Variants in NT5DC1 observed in about 807,000 individuals in gnomAD.
NT5DC1 encodes the protein 5'-nucleotidase domain containing 1.
In NT5DC1, 42 loss-of-function variants were observed where a neutral mutation model predicts 59.4. The ratio of observed to expected loss-of-function variants is 0.71; its 90% CI spans 0.55 to 0.92. The LOEUF is 0.92. NT5DC1 is among the 40% of genes least tolerant of loss of function. The pLI is 0.00. For missense variants in NT5DC1, 501 were observed against 537.1 expected (o/e 0.93, Z 0.66); for synonymous variants, 172 against 188.1 (o/e 0.91, Z 0.70).
chr6:116,163,454 G>A (rs540961698), intron 6 of NT5DC1, among the ~76,000 whole-genome samples: 28 of 151,880 alleles, frequency 1.8e-4, no homozygotes, highest in Non-Finnish European at 3.4e-4. Context: ...TATTTCTGTG[G>A]TATCAATTTT....
intron 11 of NT5DC1, among the ~76,000 whole-genome samples, chr6:116,242,450 G>A (rs1771755952): frequency 6.6e-6 from 1 of 150,412 alleles, no homozygotes; most frequent in African/African-American, 2.5e-5. Flanking sequence ...AATATCAAAA[G>A]ACGGACGAAA....
At chr6:116,179,768 C>A (rs1780833655) in intron 6 of NT5DC1, among the ~76,000 whole-genome samples, 2 of 152,090 alleles carry the variant, frequency 1.3e-5, no homozygotes, top group South Asian at 4.1e-4. Flanking sequence ...TCTTTGATGT[C>A]CTGGTTTGGT....
At chr6:116,208,675 T>C (rs1350871575) in intron 6 of NT5DC1, among the ~76,000 whole-genome samples, 4 of 152,058 alleles carry the variant, frequency 2.6e-5, no homozygotes, top group African/African-American at 9.7e-5. Flanking sequence ...TTACCAGTGG[T>C]GGCTTTCAGC....
At chr6:116,232,941 A>G (rs1782047229) in intron 8 of NT5DC1, among the ~76,000 whole-genome samples, 1 of 151,962 alleles carries the variant, frequency 6.6e-6, no homozygotes, top group Admixed American at 6.6e-5. Context: ...TCCAACCTTC[A>G]TTTGTTTCTT....
intron 11 of NT5DC1, among the ~76,000 whole-genome samples, chr6:116,239,822 G>C (rs1431195529): frequency 6.6e-6 from 1 of 151,840 alleles, no homozygotes; most frequent in African/African-American, 2.4e-5. Flanking sequence ...AAAAATAGCC[G>C]GGCACATAAA....
At chr6:116,174,287 G>A (rs1780683952) in intron 6 of NT5DC1, among the ~76,000 whole-genome samples, 2 of 152,098 alleles carry the variant, frequency 1.3e-5, no homozygotes, top group South Asian at 2.1e-4. Flanking sequence ...TGACGGGTAG[G>A]TGTTAAATTC....
At chr6:116,201,024 C>A (rs1166974146) in intron 6 of NT5DC1, among the ~76,000 whole-genome samples, 2 of 151,914 alleles carry the variant, frequency 1.3e-5, no homozygotes, top group Non-Finnish European at 2.9e-5. Flanking sequence ...TATGGTAGCA[C>A]CCCACAGCAC....
intron 6 of NT5DC1, among the ~76,000 whole-genome samples, chr6:116,187,905 G>C (rs530670149): frequency 6.6e-6 from 1 of 151,958 alleles, no homozygotes; most frequent in South Asian, 2.1e-4. Flanking sequence ...AAATTACTAA[G>C]AACGAAAGGG....
At chr6:116,104,025 C>G (rs1388154007) in intron 1 of NT5DC1, among the ~76,000 whole-genome samples, 3 of 152,134 alleles carry the variant, frequency 2.0e-5, no homozygotes, top group African/African-American at 7.2e-5. Flanking sequence ...CAATTGGCAA[C>G]TGCAGTAGAA....
intron 6 of NT5DC1, among the ~76,000 whole-genome samples, chr6:116,163,137 A>ATATATATATATAT (rs1554197055): frequency 1.9e-5 from 2 of 105,420 alleles, no homozygotes; most frequent in East Asian, 2.7e-4. Flanking sequence ...AAAAAAAAAA[A>ATATATATATATAT]AAAAATATAT....
At chr6:116,148,110 A>T (rs1246709526) in intron 6 of NT5DC1, among the ~76,000 whole-genome samples, 1 of 152,216 alleles carries the variant, frequency 6.6e-6, no homozygotes, top group African/African-American at 2.4e-5. Context: ...TTTGTGTAAG[A>T]TACATAATTG....
intron 6 of NT5DC1, among the ~76,000 whole-genome samples, chr6:116,186,529 T>G (rs558562087): frequency 7.2e-5 from 11 of 152,092 alleles, no homozygotes; most frequent in Non-Finnish European, 1.6e-4. Flanking sequence ...TTAGGTTTGG[T>G]CATTTAACAT....
intron 8 of NT5DC1, among the ~76,000 whole-genome samples, chr6:116,227,286 G>T (rs1469693116): frequency 2.0e-5 from 3 of 152,076 alleles, no homozygotes; most frequent in African/African-American, 7.2e-5. Context: ...CATCCATGTT[G>T]TCACAAATGA....
intron 6 of NT5DC1, chr6:116,122,069 T>G: frequency 1.0e-6 from 1 of 973,906 alleles, no homozygotes; most frequent in Non-Finnish European, 1.6e-6. Flanking sequence ...TTCAGCATCA[T>G]TTATTCCATG....
At chr6:116,106,391 T>C in intron 2 of NT5DC1, 56 bp downstream of exon 2, 1 of 789,828 alleles carries the variant, frequency 1.3e-6, no homozygotes, top group East Asian at 2.5e-5. Flanking sequence ...TGGTTCTAAT[T>C]GTTACTGATA....
Position 116,149,723 on chromosome 6 carries a change from T to C in NT5DC1, c.529+31778T>C, listed in dbSNP as rs149996439. 3.3e-3 allele frequency among the ~76,000 whole-genome samples: 501 copies of C among 152,292 alleles called. 5 individuals carry two copies. Among genetic ancestry groups the C allele is most frequent in the African/African-American group, 0.011 (460 of 41,558 alleles). On this transcript the variant is annotated intron_variant, in intron 6 of 11. Coordinates refer to ENST00000319550, the MANE Select transcript of NT5DC1 (RefSeq NM_152729.3). ...CACCAAATCAGTTTAGAGATTGGGG[T>C]AGAACTTTTGAATCTGGGATCTCCA...
At chr6:116,150,998 T>C (rs1397555795) in intron 6 of NT5DC1, among the ~76,000 whole-genome samples, 2 of 152,230 alleles carry the variant, frequency 1.3e-5, no homozygotes, top group African/African-American at 2.4e-5. Flanking sequence ...GTGAATAAGA[T>C]GACATTAACA....
intron 6 of NT5DC1, among the ~76,000 whole-genome samples, chr6:116,143,130 C>T (rs1468356196): frequency 4.6e-5 from 7 of 152,140 alleles, no homozygotes; most frequent in Admixed American, 3.9e-4. Flanking sequence ...AAATTTGCCT[C>T]TGGCATAGAT....
intron 10 of NT5DC1, 63 bp downstream of exon 10, chr6:116,238,411 C>T: frequency 9.9e-7 from 1 of 1,012,202 alleles, no homozygotes; most frequent in Non-Finnish European, 1.3e-6. Context: ...GCTAAAGTAT[C>T]TTTATACTAC....
Sources: allele counts gnomAD v4.1 joint callset (sites outside exome capture counted in the v4.1 genomes callset), GRCh38; gene constraint gnomAD v4.1.1; transcripts MANE v1.5; gene names NCBI Gene and HGNC (gene_info 2026-07-23, HGNC 2026-07-21).